Variants in BBS4 observed in about 807,000 individuals in gnomAD.
BBS4 encodes Bardet-Biedl syndrome 4, also known as BBSome complex member BBS4.
Under a neutral mutation model 71.4 loss-of-function variants are expected in BBS4, and 58 were observed. That is an observed-to-expected ratio of 0.81 (90% CI 0.66 to 1.01). BBS4 has a LOEUF of 1.01. Among genes scored for constraint, BBS4 ranks in the 50% least tolerant of loss-of-function variants. The pLI, the probability that BBS4 is intolerant of heterozygous loss-of-function variation, is 0.00. For synonymous variants in BBS4, 228 were observed against 216.8 expected (o/e 1.05, Z -0.46); for missense variants, 660 against 607.9 (o/e 1.09, Z -0.90).
At chr15:72,719,096 A>G (rs1469297005) in intron 6 of BBS4, among the ~76,000 whole-genome samples, 2 of 151,820 alleles carry the variant, frequency 1.3e-5, no homozygotes, top group Non-Finnish European at 2.9e-5. Flanking sequence ...ACGGCACAGG[A>G]AAAGTTACTG....
At chr15:72,713,345 A>ACACACG (rs1555499608) in intron 4 of BBS4, among the ~76,000 whole-genome samples, 60 of 118,564 alleles carry the variant, frequency 5.1e-4, no homozygotes, top group East Asian at 1.8e-3. Context: ...ACACACACAC[A>ACACACG]CACACGCACA....
At chr15:72,716,423 C>T (rs2065469768) in intron 5 of BBS4, among the ~76,000 whole-genome samples, 1 of 152,136 alleles carries the variant, frequency 6.6e-6, no homozygotes. Flanking sequence ...GGATGTGTCC[C>T]TAATGGGTGA....
intron 15 of BBS4, 145 bp from the exon 16 acceptor site, chr15:72,737,333 A>G: frequency 1.4e-6 from 1 of 701,544 alleles, no homozygotes; most frequent in Non-Finnish European, 2.4e-6. Context: ...TTTATTTCTC[A>G]GTTATAGTCT....
At chr15:72,736,641 C>A in intron 14 of BBS4, 121 bp from the exon 15 acceptor site, 1 of 894,896 alleles carries the variant, frequency 1.1e-6, no homozygotes, top group Non-Finnish European at 1.8e-6. Flanking sequence ...CTTCCTGCCT[C>A]AACTGCTAGT....
intron 1 of BBS4, among the ~76,000 whole-genome samples, chr15:72,687,460 G>A (rs181155802): frequency 4.1e-4 from 62 of 150,976 alleles, no homozygotes; most frequent in African/African-American, 1.5e-3. Flanking sequence ...AAAAATTAGC[G>A]GGGCATCGTG....
chr15:72,714,334 T>G (rs1750617453), intron 4 of BBS4, among the ~76,000 whole-genome samples: 1 of 146,882 alleles, frequency 6.8e-6, no homozygotes, highest in Non-Finnish European at 1.5e-5. Flanking sequence ...CAAGCGATCC[T>G]CCTGCCTCAG....
intron 2 of BBS4, among the ~76,000 whole-genome samples, chr15:72,705,884 C>G (rs1171308877): frequency 1.3e-5 from 2 of 151,910 alleles, no homozygotes; most frequent in Non-Finnish European, 2.9e-5. Context: ...TATAGCTAGC[C>G]CTGATTGTCT....
At position 72,722,860 on chromosome 15, in the gene BBS4, A is replaced by T; in HGVS notation, c.459+13A>T. The T allele has an allele frequency of 6.2e-7, 1 of 1,610,412 alleles. No individual in the cohort carries two copies. Among genetic ancestry groups the T allele is most frequent in the Non-Finnish European group, 8.5e-7 (1 of 1,176,970 alleles). On this transcript the variant is annotated intron_variant, in intron 7 of 15. Transcript: ENST00000268057. ...GCAGTTCAACAAGGTAATTTATAGA[A>T]GTGGTGATAGATTTCACTGAGGGTG...
intron 5 of BBS4, 59 bp from the exon 6 acceptor site, chr15:72,716,719 G>T (rs1390369440): frequency 2.5e-6 from 3 of 1,200,288 alleles, no homozygotes; most frequent in African/African-American, 3.0e-5. Context: ...TGTGGGACTA[G>T]TAGGGTTAGT....
At chr15:72,702,109 GTGCTGGGAT>G (rs2065180834) in intron 2 of BBS4, among the ~76,000 whole-genome samples, 1 of 151,962 alleles carries the variant, frequency 6.6e-6, no homozygotes, top group Non-Finnish European at 1.5e-5. Context: ...GCCTCCCAAA[GTGCTGGGAT>G]TACAGGCGTG....
At chr15:72,720,972 T>TAG (rs1292147910) in intron 6 of BBS4, among the ~76,000 whole-genome samples, 2 of 152,242 alleles carry the variant, frequency 1.3e-5, no homozygotes, top group East Asian at 3.8e-4. Flanking sequence ...GGACATCTAT[T>TAG]TACTTACCTA....
intron 2 of BBS4, among the ~76,000 whole-genome samples, chr15:72,706,086 T>C (rs2065260015): frequency 6.6e-6 from 1 of 152,158 alleles, no homozygotes; most frequent in Non-Finnish European, 1.5e-5. Flanking sequence ...GGTCATGCAG[T>C]TGAGACTTGG....
chr15:72,725,736 TCC>T (rs1217238442), intron 8 of BBS4, among the ~76,000 whole-genome samples: 4 of 85,594 alleles, frequency 4.7e-5, no homozygotes, highest in Non-Finnish European at 8.6e-5. Flanking sequence ...CCTTTTCTCT[TCC>T]CCCTTTCCCT....
At chr15:72,703,963 CAGGG>C (rs1403365628) in intron 2 of BBS4, among the ~76,000 whole-genome samples, 1 of 152,122 alleles carries the variant, frequency 6.6e-6, no homozygotes, top group Non-Finnish European at 1.5e-5. Context: ...GGGCAAACTA[CAGGG>C]GAGAATTCTT....
intron 15 of BBS4, chr15:72,737,164 TCA>T: frequency 3.0e-6 from 2 of 666,904 alleles, no homozygotes; most frequent in Non-Finnish European, 2.6e-6. Flanking sequence ...TAACAGCTAC[TCA>T]CAGACTTAGT....
At chr15:72,711,697 T>C (rs1188860035) in intron 3 of BBS4, among the ~76,000 whole-genome samples, 2 of 152,302 alleles carry the variant, frequency 1.3e-5, no homozygotes, top group East Asian at 3.9e-4. Context: ...TACAAAAATA[T>C]ACAGGGCCTG....
At chr15:72,708,670 A>G (rs1238906504) in intron 2 of BBS4, among the ~76,000 whole-genome samples, 1 of 152,202 alleles carries the variant, frequency 6.6e-6, no homozygotes, top group African/African-American at 2.4e-5. Flanking sequence ...GAGAGCCTAT[A>G]AACGGACATG....
chr15:72,737,407 T>TAACA, intron 15 of BBS4, 71 bp from the exon 16 acceptor site: 1 of 1,370,376 alleles, frequency 7.3e-7, no homozygotes, highest in Non-Finnish European at 1.0e-6. Flanking sequence ...TCTTGAACTC[T>TAACA]AACAGCAAAA....
intron 6 of BBS4, among the ~76,000 whole-genome samples, chr15:72,718,770 G>A (rs1248132619): frequency 6.6e-6 from 1 of 152,162 alleles, no homozygotes; most frequent in Admixed American, 6.5e-5. Flanking sequence ...TACTCAACTA[G>A]AATAGGAAAT....
Sources: allele counts gnomAD v4.1 joint callset (sites outside exome capture counted in the v4.1 genomes callset), GRCh38; gene constraint gnomAD v4.1.1; transcripts MANE v1.5; gene names NCBI Gene and HGNC (gene_info 2026-07-23, HGNC 2026-07-21).